The following TRMT9B variants were observed in gnomAD, a reference collection of about 807,000 sequenced individuals.
TRMT9B encodes tRNA methyltransferase 9B (putative), also known as probable tRNA methyltransferase 9B.
TRMT9B carries 16 observed loss-of-function variants against 11.5 expected under a neutral mutation model. The observed-to-expected ratio is 1.39, with a 90% CI of 0.94 to 2.11. The LOEUF is 2.11. Ranked by LOEUF, TRMT9B falls within the 30% of genes most tolerant of loss-of-function variation. TRMT9B has a pLI of 0.00. For synonymous variants in TRMT9B, 274 were observed against 192.4 expected, an observed-to-expected ratio of 1.42 and a Z score of -3.51; for missense variants, 941 against 553.8, an observed-to-expected ratio of 1.70 and a Z score of -7.02.
At chr8:12,958,524 T>A (rs867733203) in intron 1 of TRMT9B, 1 of 159,766 alleles carries the variant, frequency 6.3e-6, no homozygotes, top group African/African-American at 2.4e-5. Flanking sequence ...AACTACCTGC[T>A]GAAAAAAGCA....
chr8:13,017,847 C>A (rs1813029657), intron 4 of TRMT9B, among the ~76,000 whole-genome samples: 1 of 151,364 alleles, frequency 6.6e-6, no homozygotes, highest in Non-Finnish European at 1.5e-5. Flanking sequence ...TGGTCTTGAA[C>A]CCCTGAGCTC....
At chr8:12,978,277 G>A (rs968380736) in intron 1 of TRMT9B, among the ~76,000 whole-genome samples, 1 of 152,068 alleles carries the variant, frequency 6.6e-6, no homozygotes, top group Non-Finnish European at 1.5e-5. Flanking sequence ...TGCTACCTTG[G>A]CATTATCGAT....
chr8:13,014,788 C>T (rs1039198429), intron 4 of TRMT9B, among the ~76,000 whole-genome samples: 4 of 152,176 alleles, frequency 2.6e-5, no homozygotes, highest in Non-Finnish European at 2.9e-5. Flanking sequence ...ATGGGCCGGG[C>T]GCGGTGACTC....
At chr8:12,994,439 A>G (rs1021687287) in intron 2 of TRMT9B, among the ~76,000 whole-genome samples, 5 of 152,222 alleles carry the variant, frequency 3.3e-5, no homozygotes, top group Non-Finnish European at 7.3e-5. Flanking sequence ...TGCATGGATT[A>G]AGTGTCTTTT....
chr8:12,970,043 T>G (rs865932403), intron 1 of TRMT9B: 4 of 152,240 alleles, frequency 2.6e-5, no homozygotes, highest in Middle Eastern at 3.4e-3. Context: ...AGGCCAACCA[T>G]GCATAACGAG....
chr8:13,026,098 G>C lies in TRMT9B; in HGVS notation c.*4054G>C, dbSNP rs989355275. 2 of 166,972 alleles carry C rather than the reference G, an allele frequency of 1.2e-5. No individual in the cohort carries two copies. The highest frequency in any genetic ancestry group is 1.3e-4 in the Admixed American group (2 of 15,270). 10.3% of individuals were successfully genotyped at this position (166,972 alleles called of 1,614,324 possible). On this transcript the variant is annotated 3_prime_UTR_variant, in exon 5 of 5. Transcript: ENST00000524591. The stretch of plus-strand genomic sequence containing the variant: ...GGGGGAGGGCACAGGTTAAATATGA[G>C]CTGTGAGCCCCCAGTTTTGGAGGAA...
intron 4 of TRMT9B, among the ~76,000 whole-genome samples, 167 bp from the exon 5 acceptor site, chr8:13,020,841 C>G (rs1038938125): frequency 2.0e-5 from 3 of 152,136 alleles, no homozygotes; most frequent in African/African-American, 7.2e-5. Context: ...TATGTTTCTC[C>G]TAAAATCAGT....
chr8:12,959,715 C>T (rs1439620133), intron 1 of TRMT9B, among the ~76,000 whole-genome samples: 2 of 151,648 alleles, frequency 1.3e-5, no homozygotes, highest in African/African-American at 2.4e-5. Flanking sequence ...TATACTAGGT[C>T]TCACAAAAAG....
At chr8:12,948,813 A>G (rs1563293058) in intron 1 of TRMT9B, among the ~76,000 whole-genome samples, 1 of 152,106 alleles carries the variant, frequency 6.6e-6, no homozygotes, top group Non-Finnish European at 1.5e-5. Flanking sequence ...ACAAAAACTT[A>G]GCCGGGCATG....
At chr8:12,971,645 T>A (rs896716135) in intron 1 of TRMT9B, among the ~76,000 whole-genome samples, 1 of 152,090 alleles carries the variant, frequency 6.6e-6, no homozygotes, top group African/African-American at 2.4e-5. Context: ...GAAACAGTAC[T>A]GACAAAAATT....
intron 1 of TRMT9B, among the ~76,000 whole-genome samples, chr8:12,973,772 A>T (rs555087468): frequency 6.6e-6 from 1 of 152,306 alleles, no homozygotes; most frequent in African/African-American, 2.4e-5. Flanking sequence ...GAAAGATTCC[A>T]TGAGATCCAC....
intron 2 of TRMT9B, among the ~76,000 whole-genome samples, chr8:12,995,669 T>TTTGGG (rs1350163986): frequency 1.3e-5 from 2 of 152,202 alleles, no homozygotes; most frequent in African/African-American, 4.8e-5. Flanking sequence ...TTTGTGTTGT[T>TTTGGG]TTTGTTTTGG....
intron 3 of TRMT9B, 138 bp downstream of exon 3, chr8:13,006,494 T>C (rs1342840013): frequency 6.7e-7 from 1 of 1,502,238 alleles, no homozygotes; most frequent in African/African-American, 1.4e-5. Context: ...CTGGGCCGTG[T>C]AGCATGAAAT....
rs1402697184 is a variant in TRMT9B at position 13,023,657 on chromosome 8, G to T, written c.*1613G>T. The T allele has an allele frequency of 1.2e-5, 2 of 167,028 alleles. No homozygotes were observed. The allele number at this position is 167,028 out of a possible 1,614,324, so 10.3% of individuals were successfully genotyped here. On this transcript the variant is annotated 3_prime_UTR_variant, in exon 5 of 5. Coordinates refer to ENST00000524591, the MANE Select transcript of TRMT9B (RefSeq NM_020844.3). ...TTCATTAATGAGAAAATTGACATCTGACAAGAGTCTTTTTACTTTATGCTG... is the reference window on the plus strand; with the variant it reads ...TTCATTAATGAGAAAATTGACATCTTACAAGAGTCTTTTTACTTTATGCTG...
rs554228650 is a variant in TRMT9B, at chr8:12,979,346, C to T, written c.-199-11488C>T. Among the ~76,000 whole-genome samples the T allele has an allele frequency of 2.8e-3, 427 of 152,190 alleles. 1 individual carries two copies. The highest frequency in any genetic ancestry group is 6.8e-3 in the Middle Eastern group (2 of 294). Reference sequence around the variant, plus strand: ...TAACCTAGAGTTTATATTTCAGCTGCCTTAGCACTACAGCTTCAAGAGATA... The same window carrying T: ...TAACCTAGAGTTTATATTTCAGCTGTCTTAGCACTACAGCTTCAAGAGATA... On this transcript the variant is annotated intron_variant, in intron 1 of 4. Transcript: ENST00000524591.
In TRMT9B at chr8:13,018,929, G is replaced by A. The variant is rs146307790; in HGVS notation, c.329-2079G>A. ...GAAGCACAAACATGCAGAAAATGTG[G>A]CACAAAATAGATCACAAAAAGAACC... On this transcript the variant is annotated intron_variant, in intron 4 of 4. Coordinates refer to ENST00000524591, the MANE Select transcript of TRMT9B (RefSeq NM_020844.3). Among the ~76,000 whole-genome samples the A allele has an allele frequency of 3.6e-4, 55 of 152,216 alleles. No individual in the cohort carries two copies. In the East Asian group the frequency reaches 0.01, roughly 28 times the overall value.
At chr8:13,008,011 A>C (rs1414805942) in intron 3 of TRMT9B, among the ~76,000 whole-genome samples, 5 of 152,236 alleles carry the variant, frequency 3.3e-5, no homozygotes, top group Non-Finnish European at 5.9e-5. Flanking sequence ...TATGTATCAT[A>C]AACATTGAAT....
At chr8:12,984,047 G>T (rs539335879) in intron 1 of TRMT9B, among the ~76,000 whole-genome samples, 2 of 152,162 alleles carry the variant, frequency 1.3e-5, no homozygotes, top group African/African-American at 4.8e-5. Flanking sequence ...TCACACAACC[G>T]CAGATTGTCC....
chr8:13,024,996 T>A lies in TRMT9B; in HGVS notation c.*2952T>A, dbSNP rs1814517706. The A allele has an allele frequency of 6.0e-6, 1 of 167,084 alleles. No individual in the cohort carries two copies. The highest frequency in any genetic ancestry group is 2.1e-4 in the South Asian group (1 of 4,832). The allele number at this position is 167,084 out of a possible 1,614,324, so 10.4% of individuals were successfully genotyped here. On this transcript the variant is annotated 3_prime_UTR_variant, in exon 5 of 5. Coordinates refer to ENST00000524591, the MANE Select transcript of TRMT9B (RefSeq NM_020844.3). Reference sequence around the variant, plus strand: ...TGTCCTCGAAAGGAAACACAGGTCATCAGTGAGTATAAACGTAGACAGTTG... The same window carrying A: ...TGTCCTCGAAAGGAAACACAGGTCAACAGTGAGTATAAACGTAGACAGTTG...
Sources: gnomAD v4.1 joint callset for allele counts (sites outside exome capture counted in the v4.1 genomes callset) on GRCh38, gnomAD v4.1.1 for gene constraint, MANE v1.5 for transcripts, NCBI Gene and HGNC (gene_info 2026-07-23, HGNC 2026-07-21) for gene names.